The following ZSCAN5A variants were observed in gnomAD, a reference collection of about 807,000 sequenced individuals.
The protein encoded by ZSCAN5A is zinc finger and SCAN domain-containing protein 5A.
A neutral mutation model predicts 23.7 loss-of-function variants in ZSCAN5A; 12 were observed. The ratio of observed to expected loss-of-function variants is 0.51; its 90% CI spans 0.32 to 0.82. The LOEUF (loss-of-function observed/expected upper bound fraction) is 0.82. Ranked by LOEUF, ZSCAN5A falls within the 40% of genes least tolerant of loss-of-function variation. ZSCAN5A has a pLI of 0.03. For synonymous variants in ZSCAN5A, 257 were observed against 239.9 expected (o/e 1.07, Z -0.66); for missense variants, 597 against 617.9 (o/e 0.97, Z 0.36).
intron 2 of ZSCAN5A, among the ~76,000 whole-genome samples, chr19:56,286,090 C>T (rs964164603): frequency 6.6e-6 from 1 of 152,110 alleles, no homozygotes; most frequent in African/African-American, 2.4e-5. Context: ...GGTGAGATCT[C>T]AGCTCATTGC....
intron 2 of ZSCAN5A, among the ~76,000 whole-genome samples, chr19:56,355,631 T>C (rs1438993387): frequency 6.7e-6 from 1 of 149,196 alleles, no homozygotes; most frequent in Non-Finnish European, 1.5e-5. Flanking sequence ...AAATGATTTA[T>C]AACAGAAAAT....
At position 56,222,276 on chromosome 19, in the gene ZSCAN5A, C is replaced by A. The variant is rs756931660; in HGVS notation, c.790G>T (p.Val264Leu). ...GGTGTGTCAGCATCCACATTTTCCA[C>A]AGAGGCTATTTTTGGGGGGTCCTTC... is the stretch of plus-strand genomic sequence containing the variant. ...EGKDPPKIAS[V>L]ENVDADTPSA... Residue 264 changes from valine to leucine, a missense_variant, in exon 6 of 6, where the codon GTG becomes TTG. Val to Leu is a conservative substitution (Grantham distance 32). Transcript: ENST00000683990. The A allele has an allele frequency of 1.3e-5, 21 of 1,613,480 alleles. No homozygotes were observed. Among genetic ancestry groups the A allele is most frequent in the Non-Finnish European group, 1.7e-5 (20 of 1,179,886 alleles).
chr19:56,263,355 A>G (rs1211990149), intron 2 of ZSCAN5A: 4 of 152,126 alleles, frequency 2.6e-5, no homozygotes, highest in Admixed American at 2.6e-4. Context: ...TGGAACAAAT[A>G]ATATTTCACT....
intron 2 of ZSCAN5A, among the ~76,000 whole-genome samples, chr19:56,292,951 T>A (rs754709643): frequency 2.6e-5 from 4 of 152,258 alleles, no homozygotes; most frequent in African/African-American, 7.2e-5. Flanking sequence ...CTGCATTTTT[T>A]AATCCAATCA....
At chr19:56,255,149 A>G (rs1382391436) in intron 2 of ZSCAN5A, among the ~76,000 whole-genome samples, 1 of 152,158 alleles carries the variant, frequency 6.6e-6, no homozygotes, top group Non-Finnish European at 1.5e-5. Flanking sequence ...TGACATTTTC[A>G]CAGGCTTTCT....
intron 2 of ZSCAN5A, among the ~76,000 whole-genome samples, chr19:56,332,520 A>G (rs182689555): frequency 2.6e-5 from 4 of 152,242 alleles, no homozygotes; most frequent in Admixed American, 2.6e-4. Context: ...TTTTCTTCCA[A>G]CCTTTTACTT....
chr19:56,267,805 T>C (rs2037576790), intron 2 of ZSCAN5A, among the ~76,000 whole-genome samples: 1 of 152,226 alleles, frequency 6.6e-6, no homozygotes, highest in African/African-American at 2.4e-5. Flanking sequence ...TAGGAGTTAT[T>C]ATAGGCAAAG....
chr19:56,342,721 A>G (rs1373198692), intron 2 of ZSCAN5A: 5 of 660,086 alleles, frequency 7.6e-6, no homozygotes, highest in South Asian at 5.3e-5. Context: ...CCTCTGGATT[A>G]TATCTGTGTC....
At chr19:56,247,740 G>A (rs181502736) in intron 2 of ZSCAN5A, among the ~76,000 whole-genome samples, 3,828 of 152,200 alleles carry the variant, frequency 0.025, 165 homozygotes, top group African/African-American at 0.088. Context: ...CACCCAGGCT[G>A]GAGTGCAGTG....
chr19:56,342,596 CTG>C (rs1181326921), intron 2 of ZSCAN5A: 5 of 404,298 alleles, frequency 1.2e-5, no homozygotes, highest in African/African-American at 2.1e-5. Flanking sequence ...GAAGCTGACT[CTG>C]AACATCCTGC....
intron 2 of ZSCAN5A, among the ~76,000 whole-genome samples, chr19:56,226,917 A>C (rs1463901045): frequency 6.6e-6 from 1 of 152,164 alleles, no homozygotes; most frequent in African/African-American, 2.4e-5. Context: ...TCTAAAACAC[A>C]AGTTCAAATT....
intron 2 of ZSCAN5A, chr19:56,319,944 C>A (rs535681938): frequency 5.4e-6 from 7 of 1,293,416 alleles, no homozygotes; most frequent in Non-Finnish European, 7.9e-6. Context: ...TTATTCAAAT[C>A]GACTTCATTT....
chr19:56,291,948 A>G (rs113369751), intron 2 of ZSCAN5A, among the ~76,000 whole-genome samples: 1 of 152,180 alleles, frequency 6.6e-6, no homozygotes, highest in African/African-American at 2.4e-5. Flanking sequence ...TCAATGTGTT[A>G]TGTGTAGTTA....
intron 2 of ZSCAN5A, chr19:56,266,582 C>G (rs2037492688): frequency 6.9e-6 from 1 of 145,682 alleles, no homozygotes; most frequent in Non-Finnish European, 1.5e-5. Flanking sequence ...CTGGTTCAAG[C>G]AATTCTTCTG....
intron 2 of ZSCAN5A, chr19:56,321,160 C>T (rs2147423269): frequency 1.5e-6 from 1 of 659,820 alleles, no homozygotes; most frequent in African/African-American, 1.8e-5. Flanking sequence ...ACCTCAACAT[C>T]ACAGCTCAGG....
At chr19:56,241,502 T>C (rs2035423869) in intron 2 of ZSCAN5A, among the ~76,000 whole-genome samples, 1 of 152,264 alleles carries the variant, frequency 6.6e-6, no homozygotes, top group African/African-American at 2.4e-5. Flanking sequence ...CACAGCATAA[T>C]GTGCTTTGTA....
In ZSCAN5A at chr19:56,221,744, T is replaced by C; in HGVS notation, c.1322A>G (p.Glu441Gly). ...GAAAACTTTCTTGCAGTCTTTACAT[T>C]CGAAGGGCTTCTCCCCTGTGTGGCT... is the stretch of plus-strand genomic sequence containing the variant. ...KRSHTGEKPF[E>G]CKDCKKVFTY... Residue 441 changes from glutamate (E) to glycine (G), a missense_variant, in exon 6 of 6, where the codon GAA becomes GGA. Glu to Gly is a moderately conservative substitution (Grantham distance 98, BLOSUM62 -2). Coordinates refer to ENST00000683990, the MANE Select transcript of ZSCAN5A (RefSeq NM_001322064.3). 1 of 1,614,214 alleles carries C rather than the reference T, an allele frequency of 6.2e-7. No homozygotes were observed. Among genetic ancestry groups the C allele is most frequent in the South Asian group, 1.1e-5 (1 of 91,088 alleles).
chr19:56,312,367 C>T (rs980505156), intron 2 of ZSCAN5A: 6 of 151,960 alleles, frequency 3.9e-5, no homozygotes, highest in Non-Finnish European at 7.4e-5. Context: ...GCCCATAATC[C>T]AAGTCTAGTC....
rs1199528919 is a variant in ZSCAN5A, at chr19:56,352,475, G to A, written c.-358+10760C>T. Among the ~76,000 whole-genome samples, 1 of 152,198 alleles carries A rather than the reference G, an allele frequency of 6.6e-6. No homozygotes were observed. On this transcript the variant is annotated intron_variant, in intron 2 of 6. Coordinates refer to the ZSCAN5A transcript ENST00000587340. This position sits in a 1 kb window ranked among gnomAD's most constrained non-coding sequence, Gnocchi z 4.2. ...ATAAACATTTATCCTTAGATGCTGA[G>A]CGTGAATGTGAGACTGTTAGATGTA...
Sources: allele counts gnomAD v4.1 joint callset (sites outside exome capture counted in the v4.1 genomes callset), GRCh38; gene constraint gnomAD v4.1.1; non-coding constraint Gnocchi (gnomAD v3.1); transcripts MANE v1.5; gene names NCBI Gene and HGNC (gene_info 2026-07-23, HGNC 2026-07-21).